The following NINL variants were observed in gnomAD, a reference collection of about 807,000 sequenced individuals.
NINL encodes ninein-like protein.
NINL carries 153 observed loss-of-function variants against 160.3 expected under a neutral mutation model. That is an observed-to-expected ratio of 0.95 (90% CI 0.84 to 1.09). NINL has a LOEUF of 1.09. Among genes scored for constraint, NINL ranks in the 50% least tolerant of loss-of-function variants. The pLI is 0.00. For synonymous variants in NINL, 800 were observed against 734.8 expected, an observed-to-expected ratio of 1.09 and a Z score of -1.43; for missense variants, 1,829 against 1,764.0, an observed-to-expected ratio of 1.04 and a Z score of -0.66.
At chr20:25,461,777 C>T (rs2062791370) in intron 20 of NINL, 142 bp from the exon 21 acceptor site, 2 of 612,168 alleles carry the variant, frequency 3.3e-6, no homozygotes, top group Non-Finnish European at 5.8e-6. Context: ...CAAGGCCGGC[C>T]CTGTGTCCTG....
rs1274857088 is a variant in NINL, at chr20:25,570,665, C to T, written c.-12+14790G>A. Among the ~76,000 whole-genome samples, 22 of 143,758 alleles carry T rather than the reference C, an allele frequency of 1.5e-4. No homozygotes were observed. The East Asian group carries it at 3.9e-3, about 25-fold the overall frequency. 94.3% of individuals were successfully genotyped at this position (143,758 alleles called of 152,430 possible). A position where few individuals can be genotyped will look rare whatever the true frequency, so the allele number is the denominator to read the frequency against. ...GATACTTTTTTTTTTTTAGCTTTTC[C>T]AAAATGTCAGAGATCCTGGGCAAGT... is the stretch of plus-strand genomic sequence containing the variant. On this transcript the variant is annotated intron_variant, in intron 1 of 23. Coordinates refer to ENST00000278886, the MANE Select transcript of NINL (RefSeq NM_025176.6).
chr20:25,524,936 T>TAC (rs2064331194), intron 2 of NINL, among the ~76,000 whole-genome samples: 1 of 149,094 alleles, frequency 6.7e-6, no homozygotes, highest in African/African-American at 2.4e-5. Flanking sequence ...TGTGTGTATA[T>TAC]ATATATATAT....
At chr20:25,490,249 A>C (rs2063597448) in intron 11 of NINL, among the ~76,000 whole-genome samples, 1 of 152,178 alleles carries the variant, frequency 6.6e-6, no homozygotes, top group South Asian at 2.1e-4. Flanking sequence ...GTGCTCAGAA[A>C]GGCCATGAGT....
chr20:25,535,972 A>T (rs1440751356), intron 1 of NINL, among the ~76,000 whole-genome samples: 1 of 152,190 alleles, frequency 6.6e-6, no homozygotes, highest in Non-Finnish European at 1.5e-5. Flanking sequence ...ACCCGCGCCA[A>T]GCACACCCTT....
chr20:25,475,940 C>T (rs1478270117), intron 17 of NINL, 103 bp downstream of exon 17: 37 of 1,242,944 alleles, frequency 3.0e-5, no homozygotes, highest in Middle Eastern at 2.2e-4. Context: ...GCGAGCTTGT[C>T]GGCAGGAAGG....
intron 3 of NINL, among the ~76,000 whole-genome samples, chr20:25,514,068 A>G (rs909799949): frequency 1.3e-5 from 2 of 152,252 alleles, no homozygotes; most frequent in Non-Finnish European, 2.9e-5. Flanking sequence ...TAGAGGGCTC[A>G]GAAGAAGACA....
At chr20:25,490,950 C>G (rs1252329399) in intron 11 of NINL, among the ~76,000 whole-genome samples, 1 of 151,398 alleles carries the variant, frequency 6.6e-6, no homozygotes, top group African/African-American at 2.4e-5. Context: ...CAAAGCCCAT[C>G]AAACCCCATC....
At position 25,462,501 on chromosome 20, in the gene NINL, C is replaced by A. The variant is rs754868721; in HGVS notation, c.3464G>T (p.Arg1155Met). 1 of 1,614,208 alleles carries A rather than the reference C, an allele frequency of 6.2e-7. No individual in the cohort carries two copies. Among genetic ancestry groups the A allele is most frequent in the Non-Finnish European group, 8.5e-7 (1 of 1,180,032 alleles). The part of the protein sequence containing the change: ...YKDQLSQLNV[R>M]VLQLGQEAST... ...AGCCTCCTGTCCCAGTTGAAGAACC[C>A]TGACATTGAGCTGGGATAATTGATC... is the stretch of plus-strand genomic sequence containing the variant. Residue 1155 changes from arginine (R) to methionine (M), a missense_variant, in exon 20 of 24, where the codon AGG becomes ATG. Transcript: ENST00000278886.
intron 19 of NINL, among the ~76,000 whole-genome samples, chr20:25,466,981 G>C (rs912496931): frequency 1.1e-4 from 17 of 152,184 alleles, no homozygotes; most frequent in Non-Finnish European, 7.3e-5. Context: ...GCTGGCGTGC[G>C]GCTCCCCAGG....
Position 25,501,006 on chromosome 20 carries a change from G to A in NINL, c.866C>T (p.Pro289Leu). Residue 289 changes from proline to leucine, a missense_variant, in exon 8 of 24, where the codon CCA becomes CTA. Transcript: ENST00000278886. ...PSKAWSHYQV[P>L]EESGCHTTTT... ...GGTGGTGTGGCAGCCGCTCTCCTCT[G>A]GGACCTGCATGTCAGGAAGACTTCC... 6.2e-7 allele frequency: 1 copy of A among 1,613,840 alleles called. No individual in the cohort carries two copies. The highest frequency in any genetic ancestry group is 8.5e-7 in the Non-Finnish European group (1 of 1,179,906).
intron 16 of NINL, among the ~76,000 whole-genome samples, chr20:25,477,815 C>A (rs558352004): frequency 6.6e-6 from 1 of 152,274 alleles, no homozygotes; most frequent in African/African-American, 2.4e-5. Flanking sequence ...TGTGCCTGCC[C>A]CTCTGTTCCC....
intron 1 of NINL, among the ~76,000 whole-genome samples, chr20:25,584,179 A>C (rs2147220945): frequency 6.6e-6 from 1 of 152,270 alleles, no homozygotes; most frequent in Non-Finnish European, 1.5e-5. Flanking sequence ...ACAAAACAAA[A>C]CAAAAACTTG....
At chr20:25,495,050 C>T (rs892559798) in intron 10 of NINL, among the ~76,000 whole-genome samples, 22 of 152,144 alleles carry the variant, frequency 1.4e-4, no homozygotes, top group Admixed American at 1.1e-3. Flanking sequence ...CCTATTTGGT[C>T]CCAGTGGCTG....
At chr20:25,527,337 A>G (rs1247792934) in intron 1 of NINL, among the ~76,000 whole-genome samples, 3 of 152,084 alleles carry the variant, frequency 2.0e-5, no homozygotes, top group Non-Finnish European at 4.4e-5. Flanking sequence ...TATTTTTACT[A>G]GAGACGAGGT....
Position 25,453,523 on chromosome 20 carries a change from G to A in NINL, c.4077C>T (p.Arg1359=). The A allele has an allele frequency of 6.2e-7, 1 of 1,614,122 alleles. No individual in the cohort carries two copies. Among genetic ancestry groups the A allele is most frequent in the Non-Finnish European group, 8.5e-7 (1 of 1,179,994 alleles). The change falls in exon 24 of 24, where the codon CGC becomes CGT. Residue 1359 remains arginine (R), a synonymous_variant. Transcript: ENST00000278886. ...GAGCGCGAACTTTTTCTTCCAAGAGGCGGCTTTGTTTCTCGGCGCCTCGCT... is the reference window on the plus strand; with the variant it reads ...GAGCGCGAACTTTTTCTTCCAAGAGACGGCTTTGTTTCTCGGCGCCTCGCT... ...EKQRGAEKQS[R]LLEEKVRALN...
intron 1 of NINL, among the ~76,000 whole-genome samples, chr20:25,533,276 G>C (rs1327274468): frequency 6.6e-6 from 1 of 152,114 alleles, no homozygotes; most frequent in Admixed American, 6.6e-5. Context: ...TAATGAAGGG[G>C]CTGAGCCCAA....
intron 1 of NINL, among the ~76,000 whole-genome samples, chr20:25,561,764 C>A (rs1347060785): frequency 6.6e-6 from 1 of 151,366 alleles, no homozygotes; most frequent in Non-Finnish European, 1.5e-5. Flanking sequence ...GCCCAGCCGC[C>A]CCGTCTGAGA....
chr20:25,512,691 A>T (rs2064093340), intron 4 of NINL, 143 bp downstream of exon 4: 2 of 1,031,286 alleles, frequency 1.9e-6, no homozygotes, highest in African/African-American at 1.6e-5. Context: ...CCCCAAAGTG[A>T]CCAAGCTTCT....
Position 25,476,675 on chromosome 20 carries a change from C to G in NINL, c.2616G>C (p.Ala872=). 1 of 1,588,990 alleles carries G rather than the reference C, an allele frequency of 6.3e-7. No individual in the cohort carries two copies. Among genetic ancestry groups the G allele is most frequent in the South Asian group, 1.1e-5 (1 of 89,302 alleles). ...APGDGRESEE[A]AGAGPRRRQA... ...GCCTGCGGCGAGGCCCGGCTCCTGC[C>G]GCCTCCTCAGACTCTCTGCCATCAC... The change falls in exon 17 of 24, where the codon GCG becomes GCC. Residue 872 remains alanine (A), a synonymous_variant. Transcript: ENST00000278886.
Sources: allele counts gnomAD v4.1 joint callset (sites outside exome capture counted in the v4.1 genomes callset), GRCh38; gene constraint gnomAD v4.1.1; transcripts MANE v1.5; gene names NCBI Gene and HGNC (gene_info 2026-07-23, HGNC 2026-07-21).